DEUP1: variants seen among roughly 807,000 people sequenced by gnomAD.
DEUP1 encodes coiled-coil domain containing 67.
In DEUP1, 82 loss-of-function variants were observed where a neutral mutation model predicts 87.4. That is an observed-to-expected ratio of 0.94 (90% CI 0.78 to 1.13). DEUP1 has a LOEUF of 1.13. Among genes scored for constraint, DEUP1 ranks in the 50% most tolerant of loss-of-function variants. The pLI is 0.00. For missense variants in DEUP1, 663 were observed against 681.5 expected, an observed-to-expected ratio of 0.97 and a Z score of 0.30; for synonymous variants, 214 against 222.7, an observed-to-expected ratio of 0.96 and a Z score of 0.35.
chr11:93,419,885 A>T (rs374262171), intron 13 of DEUP1, among the ~76,000 whole-genome samples: 6 of 64,398 alleles, frequency 9.3e-5, no homozygotes, highest in Non-Finnish European at 1.2e-4. Context: ...AATAAAAATT[A>T]AAAAAAAAAC....
At chr11:93,362,591 A>G (rs888000653) in intron 4 of DEUP1, among the ~76,000 whole-genome samples, 2 of 151,870 alleles carry the variant, frequency 1.3e-5, no homozygotes, top group South Asian at 4.1e-4. Context: ...AACCCAATGT[A>G]TTGTGAATGG....
At chr11:93,427,813 A>G (rs1009256911) in intron 13 of DEUP1, among the ~76,000 whole-genome samples, 1 of 141,610 alleles carries the variant, frequency 7.1e-6, no homozygotes, top group Non-Finnish European at 1.5e-5. Flanking sequence ...AAAGTCGGCG[A>G]AGGTCATGAA....
chr11:93,345,005 C>T (rs942788728), intron 2 of DEUP1, among the ~76,000 whole-genome samples: 1 of 152,094 alleles, frequency 6.6e-6, no homozygotes, highest in African/African-American at 2.4e-5. Flanking sequence ...GCTTTCCCTC[C>T]TCCCATCCTC....
intron 13 of DEUP1, among the ~76,000 whole-genome samples, chr11:93,415,811 G>A (rs527795230): frequency 6.6e-6 from 1 of 151,984 alleles, no homozygotes; most frequent in South Asian, 2.1e-4. Flanking sequence ...TTATACAGCT[G>A]TAGTTTATTT....
At chr11:93,376,096 C>G (rs1420642671) in intron 7 of DEUP1, among the ~76,000 whole-genome samples, 2 of 152,074 alleles carry the variant, frequency 1.3e-5, no homozygotes, top group Non-Finnish European at 2.9e-5. Context: ...TTACAGGTGC[C>G]TACCACCACA....
At chr11:93,352,393 G>A (rs1286179051) in intron 2 of DEUP1, 2 of 702,366 alleles carry the variant, frequency 2.8e-6, no homozygotes, top group Middle Eastern at 2.3e-4. Context: ...CAGCTTCTTT[G>A]AAAAAGAACT....
At chr11:93,349,680 T>G (rs1156816177) in intron 2 of DEUP1, among the ~76,000 whole-genome samples, 1 of 152,082 alleles carries the variant, frequency 6.6e-6, no homozygotes, top group Non-Finnish European at 1.5e-5. Flanking sequence ...CAAATGTGTA[T>G]TAAGCATCTA....
intron 9 of DEUP1, among the ~76,000 whole-genome samples, chr11:93,391,072 ACT>A (rs1380067388): frequency 7.1e-6 from 1 of 141,250 alleles, no homozygotes; most frequent in Non-Finnish European, 1.5e-5. Context: ...ACAGAGCAAG[ACT>A]CTGTCTCAGG....
chr11:93,380,148 G>C (rs1946234725), intron 7 of DEUP1, among the ~76,000 whole-genome samples: 1 of 152,166 alleles, frequency 6.6e-6, no homozygotes, highest in African/African-American at 2.4e-5. Flanking sequence ...CAGTGCACAA[G>C]ACAACCCTAC....
chr11:93,338,770 G>A (rs1265016114), intron 2 of DEUP1, among the ~76,000 whole-genome samples: 1 of 152,108 alleles, frequency 6.6e-6, no homozygotes, highest in Non-Finnish European at 1.5e-5. Context: ...GCAATAAACT[G>A]TCAAACAACA....
Position 93,402,482 on chromosome 11 carries a change from A to G in DEUP1, c.1327-5749A>G, listed in dbSNP as rs116544551. 8.0e-3 allele frequency among the ~76,000 whole-genome samples: 1,215 copies of G among 152,078 alleles called. 15 individuals carry two copies. Among genetic ancestry groups the G allele is most frequent in the African/African-American group, 0.028 (1,168 of 41,522 alleles). On this transcript the variant is annotated intron_variant, in intron 11 of 13. Transcript: ENST00000298050. ...AAAAAACTAAAACTAAAACTATGAT[A>G]TGGTCCAGCAATTCCACTACTGGGT... is the stretch of plus-strand genomic sequence containing the variant.
At chr11:93,387,728 A>G (rs1271816496) in intron 8 of DEUP1, among the ~76,000 whole-genome samples, 1 of 152,104 alleles carries the variant, frequency 6.6e-6, no homozygotes, top group Non-Finnish European at 1.5e-5. Context: ...AAAATATGGA[A>G]ATTTTTCACT....
chr11:93,412,607 A>C (rs1947469329), intron 12 of DEUP1, among the ~76,000 whole-genome samples: 1 of 152,218 alleles, frequency 6.6e-6, no homozygotes, highest in Non-Finnish European at 1.5e-5. Flanking sequence ...AGCAAAATGG[A>C]TAACTAAGAT....
At chr11:93,391,633 G>A (rs765146222) in intron 9 of DEUP1, among the ~76,000 whole-genome samples, 11 of 151,134 alleles carry the variant, frequency 7.3e-5, no homozygotes, top group Admixed American at 2.0e-4. Flanking sequence ...ACTTGAACCC[G>A]GGAGGTGGAG....
At chr11:93,352,444 G>A (rs1944672809) in intron 2 of DEUP1, 2 of 700,136 alleles carry the variant, frequency 2.9e-6, no homozygotes, top group Non-Finnish European at 5.2e-6. Context: ...AACAACAGTT[G>A]CTATAGTCCT....
chr11:93,386,661 A>G (rs1054746627), intron 8 of DEUP1, among the ~76,000 whole-genome samples: 3 of 152,190 alleles, frequency 2.0e-5, no homozygotes, highest in Non-Finnish European at 4.4e-5. Flanking sequence ...AGATCCCTAA[A>G]ATGACCTATT....
chr11:93,394,929 G>T (rs1406957405), intron 10 of DEUP1, among the ~76,000 whole-genome samples: 1 of 151,214 alleles, frequency 6.6e-6, no homozygotes, highest in Non-Finnish European at 1.5e-5. Context: ...ACCTCCCACA[G>T]TACACTCTAA....
intron 10 of DEUP1, among the ~76,000 whole-genome samples, chr11:93,395,370 G>C (rs1946909185): frequency 6.6e-6 from 1 of 152,076 alleles, no homozygotes; most frequent in South Asian, 2.1e-4. Context: ...AGGCATATGA[G>C]GGTCACTTCA....
chr11:93,427,478 G>A (rs1183994406), intron 13 of DEUP1, among the ~76,000 whole-genome samples: 3 of 152,062 alleles, frequency 2.0e-5, no homozygotes, highest in Admixed American at 2.0e-4. Context: ...ATTAATTCAA[G>A]ATGGATTAAA....
Sources: gnomAD v4.1 joint callset for allele counts (sites outside exome capture counted in the v4.1 genomes callset) on GRCh38, gnomAD v4.1.1 for gene constraint, MANE v1.5 for transcripts, NCBI Gene and HGNC (gene_info 2026-07-23, HGNC 2026-07-21) for gene names.